Variants in LRBA observed in about 807,000 individuals in gnomAD.
LRBA encodes LPS responsive beige-like anchor protein, also known as lipopolysaccharide-responsive and beige-like anchor protein.
In LRBA, 176 loss-of-function variants were observed where a neutral mutation model predicts 330.0. The observed-to-expected ratio is 0.53, with a 90% CI of 0.47 to 0.60. The LOEUF is 0.60. LRBA is among the 20% of genes least tolerant of loss of function. The pLI is 0.00. For synonymous variants in LRBA, 1,230 were observed against 1,193.0 expected, an observed-to-expected ratio of 1.03 and a Z score of -0.64; for missense variants, 3,259 against 3,444.8, an observed-to-expected ratio of 0.95 and a Z score of 1.35.
rs554596367 is a variant in LRBA at position 150,814,398 on chromosome 4, A to G, written c.5305+2726T>C. On this transcript the variant is annotated intron_variant, in intron 31 of 56. Coordinates refer to ENST00000651943, the MANE Select transcript of LRBA (RefSeq NM_001364905.1). ...GCGGCAGAAGAGTAAGAAGCAGGACAACCAAAAACACTAGATTAGGTTAGA... is the reference window on the plus strand; with the variant it reads ...GCGGCAGAAGAGTAAGAAGCAGGACGACCAAAAACACTAGATTAGGTTAGA... Among the ~76,000 whole-genome samples the G allele has an allele frequency of 2.0e-5, 3 of 152,176 alleles. No homozygotes were observed. The South Asian group carries it at 6.2e-4, about 32-fold the overall frequency.
chr4:151,015,245 G>C lies in LRBA; in HGVS notation c.-263C>G, dbSNP rs1216747435. 2.0e-5 allele frequency: 3 copies of C among 152,998 alleles called. No homozygotes were observed. The highest frequency in any genetic ancestry group is 4.8e-5 in the African/African-American group (2 of 41,470). The allele number at this position is 152,998 out of a possible 1,614,324, so 9.5% of individuals were successfully genotyped here. A position where few individuals can be genotyped will look rare whatever the true frequency, so the allele number is the denominator to read the frequency against. Reference sequence around the variant, plus strand: ...TCCTCACCCCCCGCCCAGGAGCAGCGAGACCGAGGTGGCGGCGGAGATCCA... The same window carrying C: ...TCCTCACCCCCCGCCCAGGAGCAGCCAGACCGAGGTGGCGGCGGAGATCCA... On this transcript the variant is annotated 5_prime_UTR_variant, in exon 1 of 57. Coordinates refer to ENST00000651943, the MANE Select transcript of LRBA (RefSeq NM_001364905.1).
At chr4:150,424,797 T>C (rs1375704019) in intron 46 of LRBA, among the ~76,000 whole-genome samples, 7 of 152,372 alleles carry the variant, frequency 4.6e-5, no homozygotes, top group African/African-American at 1.7e-4. Context: ...CGGCCATGAA[T>C]TGATGTTTTT....
chr4:150,699,388 G>T (rs760158600), intron 36 of LRBA, among the ~76,000 whole-genome samples: 1 of 152,074 alleles, frequency 6.6e-6, no homozygotes, highest in Non-Finnish European at 1.5e-5. Flanking sequence ...AAAAGGAGAG[G>T]TCTATGTCCA....
intron 35 of LRBA, among the ~76,000 whole-genome samples, chr4:150,749,392 A>C (rs1201714852): frequency 1.3e-5 from 2 of 152,140 alleles, no homozygotes; most frequent in East Asian, 3.9e-4. Flanking sequence ...CAACATAGAG[A>C]GACTCCACGT....
rs112329144 is a variant in LRBA, at chr4:150,341,437, G to C, written c.7362+8555C>G. Among the ~76,000 whole-genome samples, 1,003 of 152,130 alleles carry C rather than the reference G, an allele frequency of 6.6e-3. 10 individuals carry two copies. The highest frequency in any genetic ancestry group is 0.023 in the African/African-American group (959 of 41,516). On this transcript the variant is annotated intron_variant, in intron 48 of 56. Coordinates refer to ENST00000651943, the MANE Select transcript of LRBA (RefSeq NM_001364905.1). ...CCTGCCTCAGCCTCCCAAAGTGCTGGGATTACAGGTGTGAGCCACCTTGCC... is the reference window on the plus strand; with the variant it reads ...CCTGCCTCAGCCTCCCAAAGTGCTGCGATTACAGGTGTGAGCCACCTTGCC...
chr4:150,541,257 C>A (rs1765290758), intron 40 of LRBA, among the ~76,000 whole-genome samples: 1 of 152,174 alleles, frequency 6.6e-6, no homozygotes, highest in Non-Finnish European at 1.5e-5. Flanking sequence ...GCTGAGTCAG[C>A]TCCACCTATA....
At chr4:150,390,826 A>T (rs1368117461) in intron 47 of LRBA, among the ~76,000 whole-genome samples, 20 of 152,208 alleles carry the variant, frequency 1.3e-4, no homozygotes, top group Admixed American at 3.3e-4. Flanking sequence ...AATAAGGCTA[A>T]ATAAACTGTT....
At chr4:150,482,720 C>T (rs1757425300) in intron 42 of LRBA, among the ~76,000 whole-genome samples, 1 of 152,030 alleles carries the variant, frequency 6.6e-6, no homozygotes, top group South Asian at 2.1e-4. Flanking sequence ...AAAAGTTATT[C>T]GAATAGGTAT....
chr4:150,746,636 G>A (rs1385985044), intron 35 of LRBA, among the ~76,000 whole-genome samples: 1 of 151,088 alleles, frequency 6.6e-6, no homozygotes. Context: ...TCAGCCTCCA[G>A]AGTAGCTGGG....
At chr4:150,968,002 CTTT>C (rs35023986) in intron 2 of LRBA, among the ~76,000 whole-genome samples, 9 of 126,060 alleles carry the variant, frequency 7.1e-5, no homozygotes, top group Middle Eastern at 3.6e-3. Flanking sequence ...ATTTGCACAT[CTTT>C]TTTTTTTTTT....
At chr4:150,586,164 A>G (rs1772090033) in intron 40 of LRBA, among the ~76,000 whole-genome samples, 1 of 152,204 alleles carries the variant, frequency 6.6e-6, no homozygotes, top group African/African-American at 2.4e-5. Flanking sequence ...ACATTTTCAA[A>G]CAAACAGTAG....
intron 2 of LRBA, among the ~76,000 whole-genome samples, chr4:151,000,318 A>G (rs928294032): frequency 3.3e-5 from 5 of 152,244 alleles, no homozygotes; most frequent in African/African-American, 4.8e-5. Context: ...ATTCACAATT[A>G]CATGGATAGA....
chr4:150,581,477 T>G (rs1439074735), intron 40 of LRBA: 1 of 297,032 alleles, frequency 3.4e-6, no homozygotes, highest in Non-Finnish European at 6.8e-6. Flanking sequence ...CGCTTCCCAT[T>G]TGCCTTCAAG....
At position 150,265,809 on chromosome 4, in the gene LRBA, G is replaced by A. The variant is rs1265424131; in HGVS notation, c.8472C>T (p.Cys2824=). The change falls in exon 57 of 57, where the codon TGC becomes TGT. Residue 2824 remains cysteine, a synonymous_variant. Coordinates refer to ENST00000651943, the MANE Select transcript of LRBA (RefSeq NM_001364905.1). ...RAMALSYDQR[C]IISGMASGSI... ...TTCCTGAAGCCATGCCAGAAATGAT[G>A]CACCTAGGAGAAGCACAGAGAGAAG... The A allele has an allele frequency of 6.2e-7, 1 of 1,601,484 alleles. No homozygotes were observed. The highest frequency in any genetic ancestry group is 1.7e-5 in the Admixed American group (1 of 59,970).
intron 16 of LRBA, among the ~76,000 whole-genome samples, chr4:150,895,363 A>T (rs1461672422): frequency 6.6e-6 from 1 of 152,048 alleles, no homozygotes; most frequent in Non-Finnish European, 1.5e-5. Flanking sequence ...TACATGTGCC[A>T]TGTTGGTGTG....
Position 150,321,407 on chromosome 4 carries a change from C to A in LRBA, c.7453-39G>T. 33 of 1,479,974 alleles carry A rather than the reference C, an allele frequency of 2.2e-5. No individual in the cohort carries two copies. Among genetic ancestry groups the A allele is most frequent in the South Asian group, 5.6e-5 (4 of 71,372 alleles). 91.7% of individuals were successfully genotyped at this position (1,479,974 alleles called of 1,614,324 possible). On this transcript the variant is annotated intron_variant, in intron 49 of 56. Transcript: ENST00000651943. The surrounding 1 kb of genome is among the most constrained non-coding windows in gnomAD (Gnocchi z 4.5). ...TACTGTTGAGTGGGCATGACAAGAC[C>A]CAAATAGACAAGAAGGAAAAGATGA...
intron 42 of LRBA, among the ~76,000 whole-genome samples, chr4:150,480,046 T>C (rs1264820961): frequency 6.6e-6 from 1 of 152,236 alleles, no homozygotes; most frequent in Non-Finnish European, 1.5e-5. Flanking sequence ...AAGTAAACTG[T>C]ACGTTTCCAC....
intron 40 of LRBA, among the ~76,000 whole-genome samples, chr4:150,494,596 A>G (rs1414832579): frequency 1.3e-5 from 2 of 152,218 alleles, no homozygotes; most frequent in Non-Finnish European, 2.9e-5. Flanking sequence ...AATAAAATAT[A>G]CCATTTATAT....
chr4:150,778,232 C>T (rs1737694793), intron 34 of LRBA, among the ~76,000 whole-genome samples: 2 of 152,036 alleles, frequency 1.3e-5, no homozygotes, highest in Admixed American at 6.6e-5. Context: ...TACTGCCCTT[C>T]GGAAAGTTTT....
Sources: allele counts gnomAD v4.1 joint callset (sites outside exome capture counted in the v4.1 genomes callset), GRCh38; gene constraint gnomAD v4.1.1; non-coding constraint Gnocchi (gnomAD v3.1); transcripts MANE v1.5; gene names NCBI Gene and HGNC (gene_info 2026-07-23, HGNC 2026-07-21).